Variants in AMBRA1 observed in about 807,000 individuals in gnomAD.
AMBRA1 encodes autophagy and beclin 1 regulator 1, also known as activating molecule in BECN1-regulated autophagy protein 1.
In AMBRA1, 47 loss-of-function variants were observed where a neutral mutation model predicts 125.4. The observed-to-expected ratio is 0.37, with a 90% CI of 0.30 to 0.48. AMBRA1 has a LOEUF of 0.48. Among genes scored for constraint, AMBRA1 ranks in the 20% least tolerant of loss-of-function variants. AMBRA1 has a pLI of 0.99. For synonymous variants in AMBRA1, 626 were observed against 655.5 expected (o/e 0.95, Z 0.69); for missense variants, 1,331 against 1,693.4 (o/e 0.79, Z 3.76).
At chr11:46,402,770 C>T (rs1483504698) in intron 17 of AMBRA1, among the ~76,000 whole-genome samples, 3 of 152,302 alleles carry the variant, frequency 2.0e-5, no homozygotes, top group Non-Finnish European at 2.9e-5. Flanking sequence ...GTGCCGAACA[C>T]AATACCAGAC....
At chr11:46,471,373 T>C (rs1426288757) in intron 11 of AMBRA1, among the ~76,000 whole-genome samples, 1 of 151,882 alleles carries the variant, frequency 6.6e-6, no homozygotes, top group African/African-American at 2.4e-5. Flanking sequence ...GGTCAGGAGA[T>C]CGAGACCACC....
intron 17 of AMBRA1, among the ~76,000 whole-genome samples, chr11:46,403,059 G>A (rs1945841296): frequency 6.6e-6 from 1 of 152,188 alleles, no homozygotes; most frequent in African/African-American, 2.4e-5. Flanking sequence ...TGTAGCAAAA[G>A]CATCTGTTTT....
intron 17 of AMBRA1, among the ~76,000 whole-genome samples, chr11:46,398,640 A>T (rs1212471930): frequency 6.6e-6 from 1 of 151,866 alleles, no homozygotes; most frequent in African/African-American, 2.4e-5. Flanking sequence ...CACCACACCC[A>T]GCTAATTTTA....
intron 1 of AMBRA1, among the ~76,000 whole-genome samples, chr11:46,589,600 A>G (rs1338645308): frequency 6.6e-6 from 1 of 152,078 alleles, no homozygotes; most frequent in Non-Finnish European, 1.5e-5. Flanking sequence ...AGTGAGATAA[A>G]TTGGAAGTGT....
rs147798253 is a variant in AMBRA1, at chr11:46,461,538, TG to T, written c.2522-17941del. ...ATCTTAAGCCTTGACCAACATAGTA[TG>T]GGGGAGGTCATAATTGGCTAAAGTT... On this transcript the variant is annotated intron_variant, in intron 11 of 17. Coordinates refer to ENST00000683756, the MANE Select transcript of AMBRA1 (RefSeq NM_001387011.1). Among the ~76,000 whole-genome samples, 1,404 of 152,320 alleles carry T rather than the reference TG, an allele frequency of 9.2e-3. 22 individuals carry two copies. Among genetic ancestry groups the T allele is most frequent in the African/African-American group, 0.032 (1,349 of 41,564 alleles).
intron 1 of AMBRA1, among the ~76,000 whole-genome samples, chr11:46,555,361 T>C (rs1418438354): frequency 6.6e-6 from 1 of 152,232 alleles, no homozygotes; most frequent in East Asian, 1.9e-4. Context: ...ACCTTCTAGC[T>C]ATACGACTTT....
At chr11:46,433,811 G>C (rs1326611076) in intron 13 of AMBRA1, among the ~76,000 whole-genome samples, 183 bp from the exon 14 acceptor site, 5 of 152,146 alleles carry the variant, frequency 3.3e-5, no homozygotes, top group African/African-American at 1.2e-4. Context: ...TGTAGTGTTT[G>C]ACATATAGAA....
intron 1 of AMBRA1, among the ~76,000 whole-genome samples, chr11:46,569,443 ATATAT>A (rs2043676304): frequency 8.3e-6 from 1 of 120,126 alleles, no homozygotes; most frequent in Non-Finnish European, 1.7e-5. Context: ...AAAAAAAAAT[ATATAT>A]ATATATATAT....
intron 11 of AMBRA1, among the ~76,000 whole-genome samples, chr11:46,483,773 G>A (rs1168203060): frequency 6.6e-6 from 1 of 152,074 alleles, no homozygotes; most frequent in African/African-American, 2.4e-5. Flanking sequence ...GGTGGTGTAC[G>A]CCTATAGTCC....
rs950893823 is a variant in AMBRA1 at position 46,542,863 on chromosome 11, T to C, written c.1154A>G (p.Asn385Ser). 6.2e-7 allele frequency: 1 copy of C among 1,612,614 alleles called. No individual in the cohort carries two copies. Among genetic ancestry groups the C allele is most frequent in the Admixed American group, 1.7e-5 (1 of 59,936 alleles). The change falls in exon 7 of 18, where the codon AAC becomes AGC. Residue 385 changes from asparagine to serine, a missense_variant. Physicochemically the swap from Asn to Ser is conservative, Grantham distance 46. Around this residue, in one of 4 missense-constraint regions of AMBRA1, gnomAD observed 689 missense variants for 776.5 expected, o/e 0.89. Coordinates refer to ENST00000683756, the MANE Select transcript of AMBRA1 (RefSeq NM_001387011.1). This position sits in a 1 kb window ranked among gnomAD's most constrained non-coding sequence, Gnocchi z 5.9. ...GCGGCGGGTAGGACCCAGACTGAGG[T>C]TGCGGAGCGTGTTGCCGGCAGTGCT... ...QSSTAGNTLRNLSLGPTRRSL... is the reference protein window; with the variant it reads ...QSSTAGNTLRSLSLGPTRRSL...
chr11:46,586,682 A>G (rs1169055977), intron 1 of AMBRA1, among the ~76,000 whole-genome samples: 1 of 152,166 alleles, frequency 6.6e-6, no homozygotes, highest in Non-Finnish European at 1.5e-5. Flanking sequence ...TGCTGTTCTA[A>G]ATGCTTTATA....
intron 11 of AMBRA1, among the ~76,000 whole-genome samples, chr11:46,468,786 TGGGC>T (rs1949443674): frequency 7.1e-6 from 1 of 140,558 alleles, no homozygotes. Context: ...CACTCCAGCC[TGGGC>T]GGCAACAGAG....
intron 1 of AMBRA1, among the ~76,000 whole-genome samples, chr11:46,552,355 T>G (rs2043028551): frequency 1.2e-5 from 1 of 83,822 alleles, no homozygotes; most frequent in Admixed American, 1.9e-4. Flanking sequence ...AGTGACAGAG[T>G]GAGACTCCAT....
chr11:46,493,731 A>AAAAGCTGACT (rs1218506305), intron 10 of AMBRA1, 23 bp from the exon 11 acceptor site: 2 of 1,565,104 alleles, frequency 1.3e-6, no homozygotes. Flanking sequence ...ATCACATGTG[A>AAAAGCTGACT]AAAGCTGACT....
At chr11:46,499,117 T>C (rs915314491) in intron 9 of AMBRA1, among the ~76,000 whole-genome samples, 3 of 152,236 alleles carry the variant, frequency 2.0e-5, no homozygotes, top group Non-Finnish European at 4.4e-5. Context: ...AGCCTTCATT[T>C]TTCTCCAAGG....
chr11:46,555,676 AT>A (rs1565292192), intron 1 of AMBRA1, among the ~76,000 whole-genome samples: 1 of 152,220 alleles, frequency 6.6e-6, no homozygotes. Flanking sequence ...AAAATAAAGT[AT>A]GTTTATGTGG....
intron 14 of AMBRA1, among the ~76,000 whole-genome samples, chr11:46,420,959 A>T (rs1260733851): frequency 6.6e-6 from 1 of 152,218 alleles, no homozygotes; most frequent in African/African-American, 2.4e-5. Context: ...GAAACAAAAG[A>T]ATAAAAGACC....
chr11:46,582,460 A>C (rs2135316852), intron 1 of AMBRA1, among the ~76,000 whole-genome samples: 1 of 152,286 alleles, frequency 6.6e-6, no homozygotes, highest in Non-Finnish European at 1.5e-5. Flanking sequence ...TTATTTGTTT[A>C]CTGTCTCTCT....
chr11:46,438,343 C>T (rs1171504453), intron 12 of AMBRA1, among the ~76,000 whole-genome samples: 4 of 152,168 alleles, frequency 2.6e-5, no homozygotes, highest in Non-Finnish European at 5.9e-5. Context: ...AGTGAAAATG[C>T]CCTAGCAGGG....
Sources: gnomAD v4.1 joint callset for allele counts (sites outside exome capture counted in the v4.1 genomes callset) on GRCh38, gnomAD v4.1.1 for gene constraint, gnomAD v4.1.1 regional missense constraint, Gnocchi (gnomAD v3.1) non-coding constraint, MANE v1.5 for transcripts, NCBI Gene and HGNC (gene_info 2026-07-23, HGNC 2026-07-21) for gene names.